The following ADAMTSL1 variants were observed in gnomAD, a reference collection of about 807,000 sequenced individuals.
ADAMTSL1 encodes the protein ADAMTS-like protein 1.
In ADAMTSL1, 126 loss-of-function variants were observed where a neutral mutation model predicts 201.8. That is an observed-to-expected ratio of 0.62 (90% CI 0.54 to 0.72). The LOEUF is 0.72. ADAMTSL1 is among the 30% of genes least tolerant of loss of function. The probability of loss-of-function intolerance (pLI) is 0.00; values close to 1 mark genes in which losing one functional copy is unlikely to be tolerated. For missense variants in ADAMTSL1, 2,679 were observed against 2,277.8 expected, an observed-to-expected ratio of 1.18 and a Z score of -3.59; for synonymous variants, 1,121 against 903.4, an observed-to-expected ratio of 1.24 and a Z score of -4.32.
intron 2 of ADAMTSL1, among the ~76,000 whole-genome samples, chr9:18,237,906 C>T (rs1342271207): frequency 6.6e-6 from 1 of 152,196 alleles, no homozygotes; most frequent in African/African-American, 2.4e-5. Flanking sequence ...TTCCTTGGTT[C>T]GTTCTTTGAA....
chr9:18,303,300 T>A (rs1244751321), intron 2 of ADAMTSL1, among the ~76,000 whole-genome samples: 1 of 152,224 alleles, frequency 6.6e-6, no homozygotes, highest in East Asian at 1.9e-4. Context: ...TTGCCTACCC[T>A]GAAGACCTTT....
At chr9:18,236,548 G>A (rs899434156) in intron 2 of ADAMTSL1, among the ~76,000 whole-genome samples, 16 of 152,184 alleles carry the variant, frequency 1.1e-4, no homozygotes, top group Admixed American at 9.2e-4. Context: ...CTGTGATGAT[G>A]ATGGAAAATG....
At chr9:18,838,386 C>CAA (rs1825463356) in intron 23 of ADAMTSL1, among the ~76,000 whole-genome samples, 2 of 145,032 alleles carry the variant, frequency 1.4e-5, no homozygotes, top group South Asian at 2.3e-4. Flanking sequence ...CACACACACA[C>CAA]ACACACACAC....
intron 1 of ADAMTSL1, among the ~76,000 whole-genome samples, chr9:17,925,232 T>C (rs1363722442): frequency 3.4e-5 from 4 of 119,338 alleles, no homozygotes; most frequent in Non-Finnish European, 7.3e-5. Context: ...TGTGGAGAAA[T>C]AGGAACACTT....
At chr9:18,705,758 A>C (rs1832192421) in intron 13 of ADAMTSL1, among the ~76,000 whole-genome samples, 1 of 152,272 alleles carries the variant, frequency 6.6e-6, no homozygotes, top group African/African-American at 2.4e-5. Flanking sequence ...CTCGGGAAGC[A>C]TATTGAACAA....
chr9:18,011,838 C>T (rs188691913), intron 1 of ADAMTSL1, among the ~76,000 whole-genome samples: 1 of 152,060 alleles, frequency 6.6e-6, no homozygotes, highest in Admixed American at 6.6e-5. Context: ...TTTTACATGA[C>T]ACAATACAAC....
chr9:18,162,541 AC>A lies in ADAMTSL1; in HGVS notation c.88-1319del, dbSNP rs1040255476. 2.6e-4 allele frequency among the ~76,000 whole-genome samples: 40 copies of A among 151,992 alleles called. 1 individual carries two copies. Among genetic ancestry groups the A allele is most frequent in the African/African-American group, 9.2e-4 (38 of 41,506 alleles). ...CAACAGAATTTTAAGTTTAATTAAG[AC>A]CTTTTTGTCTTGGTATCATATGAAA... On this transcript the variant is annotated intron_variant, in intron 1 of 29. Transcript: ENST00000680146.
At chr9:18,181,521 A>C (rs1322372218) in intron 2 of ADAMTSL1, among the ~76,000 whole-genome samples, 3 of 151,852 alleles carry the variant, frequency 2.0e-5, no homozygotes, top group African/African-American at 7.2e-5. Flanking sequence ...ATGCAGCCAA[A>C]AAACACATGA....
intron 1 of ADAMTSL1, among the ~76,000 whole-genome samples, chr9:18,123,123 A>T (rs952175294): frequency 6.6e-6 from 1 of 152,220 alleles, no homozygotes; most frequent in African/African-American, 2.4e-5. Context: ...TAATCCACTT[A>T]CATTGAATTT....
At chr9:18,540,546 G>A (rs756503503) in intron 3 of ADAMTSL1, among the ~76,000 whole-genome samples, 1 of 152,120 alleles carries the variant, frequency 6.6e-6, no homozygotes, top group African/African-American at 2.4e-5. Flanking sequence ...ATCAGGTGCA[G>A]TACAAGGTAT....
chr9:18,639,281 C>G lies in ADAMTSL1; in HGVS notation c.704C>G (p.Thr235Ser). Residue 235 changes from threonine (T) to serine (S), a missense_variant, in exon 7 of 29, where the codon ACT becomes AGT. By Grantham distance (58) the Thr-to-Ser change is moderately conservative. Coordinates refer to ENST00000380548, the MANE Select transcript of ADAMTSL1 (RefSeq NM_001040272.6). ...CTGGAAACCAAAACCCTCCAGGGGACTAAAGGTGAAAACAGTCTCAGCTCC... is the reference window on the plus strand; with the variant it reads ...CTGGAAACCAAAACCCTCCAGGGGAGTAAAGGTGAAAACAGTCTCAGCTCC... ...LYLETKTLQG[T>S]KGENSLSSTG... 1 of 1,612,938 alleles carries G rather than the reference C, an allele frequency of 6.2e-7. No individual in the cohort carries two copies. The highest frequency in any genetic ancestry group is 8.5e-7 in the Non-Finnish European group (1 of 1,179,282).
chr9:18,064,613 T>C (rs1822611193), intron 1 of ADAMTSL1, among the ~76,000 whole-genome samples: 1 of 152,174 alleles, frequency 6.6e-6, no homozygotes, highest in Non-Finnish European at 1.5e-5. Context: ...CCCTATAACA[T>C]AAACCTAATA....
intron 23 of ADAMTSL1, among the ~76,000 whole-genome samples, chr9:18,875,958 T>G (rs1828122473): frequency 6.6e-6 from 1 of 152,108 alleles, no homozygotes; most frequent in Non-Finnish European, 1.5e-5. Context: ...ATTATGATAT[T>G]TTCCTGTTGG....
At chr9:17,952,709 T>C (rs1405084301) in intron 1 of ADAMTSL1, among the ~76,000 whole-genome samples, 1 of 152,150 alleles carries the variant, frequency 6.6e-6, no homozygotes, top group East Asian at 1.9e-4. Flanking sequence ...GTACTTTTAA[T>C]AGAGGCGGGG....
chr9:18,231,412 G>C (rs778490580), intron 2 of ADAMTSL1, among the ~76,000 whole-genome samples: 2 of 152,132 alleles, frequency 1.3e-5, no homozygotes, highest in Non-Finnish European at 2.9e-5. Flanking sequence ...GTCAGCACTT[G>C]ACAGGTTGAC....
intron 1 of ADAMTSL1, among the ~76,000 whole-genome samples, chr9:17,976,234 ATT>A (rs34637497): frequency 1.3e-5 from 2 of 151,038 alleles, no homozygotes; most frequent in African/African-American, 2.4e-5. Context: ...AAAATTTAGT[ATT>A]TTTTTTTTCT....
At chr9:18,865,393 G>T (rs1262826244) in intron 23 of ADAMTSL1, among the ~76,000 whole-genome samples, 1 of 152,120 alleles carries the variant, frequency 6.6e-6, no homozygotes, top group Non-Finnish European at 1.5e-5. Flanking sequence ...TGGCTGCATT[G>T]TATTCCATGG....
intron 19 of ADAMTSL1, among the ~76,000 whole-genome samples, chr9:18,791,877 G>C (rs1215882883): frequency 6.6e-6 from 1 of 152,104 alleles, no homozygotes; most frequent in Admixed American, 6.5e-5. Flanking sequence ...CTCTGTGATG[G>C]ATCACCTCCC....
chr9:18,487,466 G>A (rs1236954809), intron 1 of ADAMTSL1, among the ~76,000 whole-genome samples: 3 of 152,194 alleles, frequency 2.0e-5, no homozygotes, highest in East Asian at 3.9e-4. Context: ...AATTTTGGAC[G>A]ATTACCACTT....
Sources: gnomAD v4.1 joint callset for allele counts (sites outside exome capture counted in the v4.1 genomes callset) on GRCh38, gnomAD v4.1.1 for gene constraint, MANE v1.5 for transcripts, NCBI Gene and HGNC (gene_info 2026-07-23, HGNC 2026-07-21) for gene names.